DNAAF1: variants seen among roughly 807,000 people sequenced by gnomAD.
The protein encoded by DNAAF1 is dynein assembly factor 1, axonemal.
Under a neutral mutation model 71.1 loss-of-function variants are expected in DNAAF1, and 65 were observed. That is an observed-to-expected ratio of 0.91 (90% confidence interval 0.75 to 1.12). The LOEUF is 1.12. Ranked by LOEUF, DNAAF1 falls within the 50% of genes most tolerant of loss-of-function variation. DNAAF1 has a pLI of 0.00. For synonymous variants in DNAAF1, 414 were observed against 354.6 expected (o/e 1.17, Z -1.88); for missense variants, 1,178 against 899.8 (o/e 1.31, Z -3.96).
rs747397061 is a variant in DNAAF1 at position 84,176,286 on chromosome 16, A to C, written c.2052A>C (p.Ala684=). The change falls in exon 11 of 12, where the codon GCA becomes GCC. Residue 684 remains alanine, a synonymous_variant. Transcript: ENST00000378553. ...SSGDRDSDFL[A]ASSPVPTESA... Reference sequence around the variant, plus strand: ...GAGACAGGGACAGCGACTTCCTTGCAGCCTCTTCTCCGGGTAAGAGCGTGG... The same window carrying C: ...GAGACAGGGACAGCGACTTCCTTGCCGCCTCTTCTCCGGGTAAGAGCGTGG... The C allele has an allele frequency of 6.2e-7, 1 of 1,613,364 alleles. No individual in the cohort carries two copies. Among genetic ancestry groups the C allele is most frequent in the Non-Finnish European group, 8.5e-7 (1 of 1,179,948 alleles).
intron 1 of DNAAF1, among the ~76,000 whole-genome samples, chr16:84,148,429 T>C (rs1040036535): frequency 6.6e-6 from 1 of 151,856 alleles, no homozygotes; most frequent in Non-Finnish European, 1.5e-5. Context: ...TAACAGTTTT[T>C]GGCTTTTATA....
chr16:84,177,351 C>G, intron 11 of DNAAF1: 1 of 349,498 alleles, frequency 2.9e-6, no homozygotes, highest in East Asian at 7.4e-5. Context: ...TCTTGGCTCA[C>G]TGCAACCTCT....
intron 7 of DNAAF1, among the ~76,000 whole-genome samples, chr16:84,169,283 A>G (rs980038332): frequency 1.3e-5 from 2 of 149,908 alleles, no homozygotes; most frequent in Non-Finnish European, 3.0e-5. Context: ...ATGAGGTTTC[A>G]CCATGTTTGT....
rs1314881272 is a variant in DNAAF1, at chr16:84,174,712, T to C, written c.1688T>C (p.Leu563Pro). The part of the protein sequence containing the change: ...LEDDDETGKS[L>P]EDQNMCFPKI... ...GATGATGATGAAACAGGCAAATCTC[T>C]GGAAGACCAGGTTAAGGTCATTAGA... The change falls in exon 10 of 12, where the codon CTG (leucine) becomes CCG (proline). Residue 563 changes from leucine (L) to proline (P), a missense_variant. Physicochemically the swap from Leu to Pro is moderately conservative, Grantham distance 98. Coordinates refer to ENST00000378553, the MANE Select transcript of DNAAF1 (RefSeq NM_178452.6). 3.1e-6 allele frequency: 5 copies of C among 1,614,228 alleles called. No individual in the cohort carries two copies. Among genetic ancestry groups the C allele is most frequent in the African/African-American group, 1.3e-5 (1 of 75,062 alleles).
At chr16:84,155,051 G>C (rs2087352278) in intron 4 of DNAAF1, among the ~76,000 whole-genome samples, 1 of 151,968 alleles carries the variant, frequency 6.6e-6, no homozygotes, top group African/African-American at 2.4e-5. Context: ...TGGGACTACA[G>C]GCACCCACCA....
chr16:84,172,135 C>G (rs772328997), intron 8 of DNAAF1, 125 bp from the exon 9 acceptor site: 686 of 891,016 alleles, frequency 7.7e-4, no homozygotes, highest in Non-Finnish European at 1.1e-3. Flanking sequence ...CCTTGGCCCC[C>G]CAAAGTGTTG....
chr16:84,172,326 A>G lies in DNAAF1; in HGVS notation c.1595A>G (p.Glu532Gly). Reference protein sequence around the residue: ...FVTELDGTRTEDLETIRLETK... With the variant: ...FVTELDGTRTGDLETIRLETK... ...ACAGAACTTGATGGAACGAGAACGG[A>G]AGATTTAGAAACCATTAGACTGGAG... The change falls in exon 9 of 12, where the codon GAA (glutamate) becomes GGA (glycine). Residue 532 changes from glutamate (E) to glycine (G), a missense_variant. Coordinates refer to ENST00000378553, the MANE Select transcript of DNAAF1 (RefSeq NM_178452.6). The G allele has an allele frequency of 6.2e-7, 1 of 1,614,240 alleles. No individual in the cohort carries two copies. The highest frequency in any genetic ancestry group is 8.5e-7 in the Non-Finnish European group (1 of 1,180,032).
Position 84,159,792 on chromosome 16 carries a change from G to C in DNAAF1, c.859G>C (p.Asp287His), listed in dbSNP as rs1333620184. 2.5e-5 allele frequency: 41 copies of C among 1,613,704 alleles called. No homozygotes were observed. The highest frequency in any genetic ancestry group is 3.3e-5 in the Non-Finnish European group (39 of 1,179,798). ...YLDDRPVFPK[D>H]RACAEAWARG... ...GGATGATAGACCAGTGTTTCCAAAGGACAGGTAAGAAGAGAAAAGCCTTCT... is the reference window on the plus strand; with the variant it reads ...GGATGATAGACCAGTGTTTCCAAAGCACAGGTAAGAAGAGAAAAGCCTTCT... The change falls in exon 6 of 12, where the codon GAC (aspartate) becomes CAC (histidine). Residue 287 changes from aspartate to histidine, a missense_variant. Coordinates refer to ENST00000378553, the MANE Select transcript of DNAAF1 (RefSeq NM_178452.6).
At chr16:84,154,096 C>T (rs541102889) in intron 3 of DNAAF1, among the ~76,000 whole-genome samples, 2 of 152,152 alleles carry the variant, frequency 1.3e-5, no homozygotes, top group African/African-American at 4.8e-5. Context: ...AAAGTTGCTA[C>T]TGGAGGAAGG....
chr16:84,165,676 G>A (rs1191702444), intron 6 of DNAAF1, 107 bp from the exon 7 acceptor site: 6 of 1,090,954 alleles, frequency 5.5e-6, no homozygotes, highest in Non-Finnish European at 7.1e-6. Context: ...GCAGTCACAT[G>A]TCTGATGCTC....
At chr16:84,151,136 C>T (rs918969640) in intron 3 of DNAAF1, among the ~76,000 whole-genome samples, 1 of 152,118 alleles carries the variant, frequency 6.6e-6, no homozygotes, top group Admixed American at 6.6e-5. Context: ...CTGAGGGCTT[C>T]CAGTCTGTGC....
chr16:84,174,155 T>C, intron 9 of DNAAF1: 1 of 998,864 alleles, frequency 1.0e-6, no homozygotes, highest in Non-Finnish European at 1.2e-6. Context: ...CTAGGCACCG[T>C]GGCTCCAGTT....
At chr16:84,172,854 G>A (rs896274456) in intron 9 of DNAAF1, 3 of 1,034,514 alleles carry the variant, frequency 2.9e-6, no homozygotes. Flanking sequence ...TCATGGAGGT[G>A]TGACGGTTCA....
At chr16:84,162,442 G>T (rs1031490263) in intron 6 of DNAAF1, among the ~76,000 whole-genome samples, 2 of 151,866 alleles carry the variant, frequency 1.3e-5, no homozygotes. Context: ...AAAAAACAAA[G>T]TGTACAATGC....
In DNAAF1 at chr16:84,157,019, A is replaced by G. The variant is rs187540660; in HGVS notation, c.741+1270A>G. 2.6e-3 allele frequency among the ~76,000 whole-genome samples: 395 copies of G among 151,618 alleles called. 1 individual carries two copies. The highest frequency in any genetic ancestry group is 9.0e-3 in the African/African-American group (373 of 41,364). On this transcript the variant is annotated intron_variant, in intron 5 of 11. Coordinates refer to ENST00000378553, the MANE Select transcript of DNAAF1 (RefSeq NM_178452.6). ...AGGTGTGCACCACCACGTCCAGCTA[A>G]TTTTTATATTTTTTGTAGAGATGGG...
At chr16:84,166,458 C>A (rs780677686) in intron 7 of DNAAF1, among the ~76,000 whole-genome samples, 7 of 149,000 alleles carry the variant, frequency 4.7e-5, no homozygotes, top group Non-Finnish European at 8.9e-5. Flanking sequence ...CTCACTGCAA[C>A]CTCTGCCTCA....
intron 10 of DNAAF1, chr16:84,175,658 T>C: frequency 2.1e-6 from 1 of 483,754 alleles, no homozygotes; most frequent in Non-Finnish European, 3.8e-6. Flanking sequence ...AGCCCAGGGC[T>C]CAGGGGTGCG....
chr16:84,174,054 A>T, intron 9 of DNAAF1: 1 of 317,640 alleles, frequency 3.1e-6, no homozygotes, highest in Non-Finnish European at 4.7e-6. Flanking sequence ...TTATCATCCC[A>T]ATTTCCCAGA....
At position 84,170,422 on chromosome 16, in the gene DNAAF1, C is replaced by G. The variant is rs529649062; in HGVS notation, c.1528+66C>G. The G allele has an allele frequency of 3.1e-6, 5 of 1,609,348 alleles. No individual in the cohort carries two copies. The South Asian group carries it at 3.3e-5, about 11-fold the overall frequency. ...TCAGGGAGCCCCAGCCTTCGACTCA[C>G]GTCTCTGTGGGACCTGGGGCCTGAG... is the stretch of plus-strand genomic sequence containing the variant. On this transcript the variant is annotated intron_variant, in intron 8 of 11. Transcript: ENST00000378553.
Sources: gnomAD v4.1 joint callset for allele counts (sites outside exome capture counted in the v4.1 genomes callset) on GRCh38, gnomAD v4.1.1 for gene constraint, MANE v1.5 for transcripts, NCBI Gene and HGNC (gene_info 2026-07-23, HGNC 2026-07-21) for gene names.